Variants in PTPRK observed in about 807,000 individuals in gnomAD.
PTPRK encodes the protein receptor-type tyrosine-protein phosphatase kappa.
Under a neutral mutation model 178.0 loss-of-function variants are expected in PTPRK, and 75 were observed. That is an observed-to-expected ratio of 0.42 (90% confidence interval 0.35 to 0.51). The LOEUF (loss-of-function observed/expected upper bound fraction) is 0.51, where lower values mean the gene tolerates loss of function less well. Ranked by LOEUF, PTPRK falls within the 20% of genes least tolerant of loss-of-function variation. The pLI is 0.02. For missense variants in PTPRK, 1,441 were observed against 1,797.8 expected, an observed-to-expected ratio of 0.80 and a Z score of 3.59; for synonymous variants, 637 against 620.6, an observed-to-expected ratio of 1.03 and a Z score of -0.39.
chr6:128,373,769 CA>C (rs774978439), intron 2 of PTPRK, among the ~76,000 whole-genome samples: 3 of 152,104 alleles, frequency 2.0e-5, no homozygotes, highest in African/African-American at 4.8e-5. Context: ...TGGTAGTGAT[CA>C]CTCCAAATTT....
chr6:128,201,585 G>A (rs982255705), intron 6 of PTPRK, among the ~76,000 whole-genome samples: 3 of 152,248 alleles, frequency 2.0e-5, no homozygotes, highest in African/African-American at 4.8e-5. Context: ...TTGGCCAGGC[G>A]TGACGGCTCA....
At chr6:128,397,464 C>G in intron 2 of PTPRK, 102 bp downstream of exon 2, 3 of 1,400,210 alleles carry the variant, frequency 2.1e-6, no homozygotes, top group Non-Finnish European at 3.0e-6. Context: ...AATAATTTAG[C>G]TTATTATAAC....
Position 128,067,762 on chromosome 6 carries a change from G to C in PTPRK, c.1914C>G (p.His638Gln), listed in dbSNP as rs770053385. ...CGGCTTCTCTCTTGGTTCGGTGTGGGTGCAGTTCTTCCACAACAATCTGAT... is the reference window on the plus strand; with the variant it reads ...CGGCTTCTCTCTTGGTTCGGTGTGGCTGCAGTTCTTCCACAACAATCTGAT... ...SAYQIVVEELHPHRTKREAGA... is the reference protein window; with the variant it reads ...SAYQIVVEELQPHRTKREAGA... The change falls in exon 12 of 30, where the codon CAC becomes CAG. Residue 638 changes from histidine (H) to glutamine (Q), a missense_variant. Physicochemically the swap from His to Gln is conservative, Grantham distance 24 (BLOSUM62 0). Coordinates refer to ENST00000368226, the MANE Select transcript of PTPRK (RefSeq NM_002844.4). 2.5e-6 allele frequency: 4 copies of C among 1,608,718 alleles called. No homozygotes were observed. Among genetic ancestry groups the C allele is most frequent in the Non-Finnish European group, 3.4e-6 (4 of 1,177,108 alleles).
intron 3 of PTPRK, among the ~76,000 whole-genome samples, chr6:128,244,212 T>G (rs9402032): frequency 0.11 from 17,133 of 152,126 alleles, 1,994 homozygotes; most frequent in East Asian, 0.35. Flanking sequence ...TAACACACAG[T>G]GGAAAATGCT....
At chr6:128,025,924 C>T (rs1774214654) in intron 13 of PTPRK, among the ~76,000 whole-genome samples, 1 of 152,192 alleles carries the variant, frequency 6.6e-6, no homozygotes, top group Non-Finnish European at 1.5e-5. Context: ...ATCACATTTG[C>T]AAAGACCGCT....
At chr6:128,336,503 G>A (rs567089195) in intron 2 of PTPRK, among the ~76,000 whole-genome samples, 5 of 152,290 alleles carry the variant, frequency 3.3e-5, no homozygotes, top group African/African-American at 7.2e-5. Context: ...CAGGAGGGAA[G>A]AAGAAACTTA....
At chr6:128,076,023 G>A (rs1472334313) in intron 11 of PTPRK, among the ~76,000 whole-genome samples, 2 of 151,958 alleles carry the variant, frequency 1.3e-5, no homozygotes, top group Non-Finnish European at 2.9e-5. Flanking sequence ...GGTGACAGGG[G>A]TGGCAGGGGG....
At position 128,419,508 on chromosome 6, in the gene PTPRK, C is replaced by T. The variant is rs1388421378; in HGVS notation, c.101-21820G>A. Among the ~76,000 whole-genome samples, 8 of 151,884 alleles carry T rather than the reference C, an allele frequency of 5.3e-5. No homozygotes were observed. The East Asian group carries it at 1.4e-3, about 26-fold the overall frequency. ...CGGGCACCTGTAGTCCCAGCTGAGG[C>T]TGAGGCAGGAGAATGGCGTTAACCC... On this transcript the variant is annotated intron_variant, in intron 1 of 29. Coordinates refer to ENST00000368226, the MANE Select transcript of PTPRK (RefSeq NM_002844.4).
chr6:127,980,493 A>G (rs1275475707), intron 25 of PTPRK, among the ~76,000 whole-genome samples: 1 of 151,584 alleles, frequency 6.6e-6, no homozygotes, highest in Non-Finnish European at 1.5e-5. Flanking sequence ...CTCTGTCTAA[A>G]AAAAAAAAAA....
chr6:128,061,580 A>T (rs901214431), intron 13 of PTPRK, among the ~76,000 whole-genome samples: 7 of 152,154 alleles, frequency 4.6e-5, no homozygotes, highest in African/African-American at 1.4e-4. Flanking sequence ...GTCTGACTGT[A>T]GGGCAGCTGA....
intron 1 of PTPRK, 96 bp from the exon 2 acceptor site, chr6:128,397,784 T>C (rs1280513443): frequency 8.4e-7 from 1 of 1,190,224 alleles, no homozygotes; most frequent in Non-Finnish European, 1.2e-6. Flanking sequence ...ATATATAATG[T>C]TACTCACAAT....
At chr6:128,353,378 A>G (rs1026563051) in intron 2 of PTPRK, among the ~76,000 whole-genome samples, 4 of 152,372 alleles carry the variant, frequency 2.6e-5, no homozygotes, top group African/African-American at 9.6e-5. Context: ...ATTGCAAAGA[A>G]ATAAAAATTT....
At chr6:128,232,592 A>T (rs1427998201) in intron 5 of PTPRK, among the ~76,000 whole-genome samples, 3 of 152,178 alleles carry the variant, frequency 2.0e-5, no homozygotes, top group African/African-American at 7.2e-5. Flanking sequence ...AAATCATGTC[A>T]TTATTATACT....
intron 13 of PTPRK, among the ~76,000 whole-genome samples, chr6:128,050,322 G>A (rs748123023): frequency 1.4e-4 from 21 of 152,092 alleles, no homozygotes; most frequent in Admixed American, 5.2e-4. Context: ...TCCTTGAGAC[G>A]TATTCTCCTT....
At chr6:128,064,205 G>A (rs1196820089) in intron 13 of PTPRK, among the ~76,000 whole-genome samples, 1 of 152,102 alleles carries the variant, frequency 6.6e-6, no homozygotes, top group African/African-American at 2.4e-5. Context: ...AGGCAGCTAA[G>A]CCATAATATG....
intron 25 of PTPRK, 90 bp from the exon 26 acceptor site, chr6:127,977,144 C>A: frequency 7.6e-7 from 1 of 1,320,304 alleles, no homozygotes; most frequent in Admixed American, 1.8e-5. Flanking sequence ...CAATGTAGGA[C>A]CAGTAAGATG....
chr6:128,363,393 G>A (rs1388862879), intron 2 of PTPRK, among the ~76,000 whole-genome samples: 1 of 152,078 alleles, frequency 6.6e-6, no homozygotes, highest in Non-Finnish European at 1.5e-5. Flanking sequence ...TCCCCCCAAT[G>A]ACTTGCTATG....
intron 13 of PTPRK, among the ~76,000 whole-genome samples, chr6:128,023,673 A>T (rs2114770422): frequency 6.6e-6 from 1 of 152,130 alleles, no homozygotes; most frequent in Non-Finnish European, 1.5e-5. Context: ...TATTTTTTTG[A>T]GACAGGGTCT....
chr6:128,165,747 T>C (rs73772007), intron 7 of PTPRK, among the ~76,000 whole-genome samples: 8,349 of 151,380 alleles, frequency 0.055, 559 homozygotes, highest in South Asian at 0.31. Context: ...AATAAATTTA[T>C]CATAAATTCA....
Sources: allele counts gnomAD v4.1 joint callset (sites outside exome capture counted in the v4.1 genomes callset), GRCh38; gene constraint gnomAD v4.1.1; transcripts MANE v1.5; gene names NCBI Gene and HGNC (gene_info 2026-07-23, HGNC 2026-07-21).